KDM5A: variants seen among roughly 807,000 people sequenced by gnomAD.
The protein encoded by KDM5A is lysine demethylase 5A, also known as lysine-specific demethylase 5A.
Under a neutral mutation model 193.5 loss-of-function variants are expected in KDM5A, and 42 were observed. That is an observed-to-expected ratio of 0.22 (90% CI 0.17 to 0.28). KDM5A has a LOEUF of 0.28. Among genes scored for constraint, KDM5A ranks in the 10% least tolerant of loss-of-function variants. The pLI is 1.00. For synonymous variants in KDM5A, 796 were observed against 718.1 expected (o/e 1.11, Z -1.73); for missense variants, 1,692 against 2,055.1 (o/e 0.82, Z 3.42).
At chr12:336,043 C>CAAAAAA (rs753624871) in intron 10 of KDM5A, among the ~76,000 whole-genome samples, 1 of 42,010 alleles carries the variant, frequency 2.4e-5, no homozygotes, top group Non-Finnish European at 4.5e-5. Flanking sequence ...TACTTCATCT[C>CAAAAAA]AAAAAAAAAA....
intron 14 of KDM5A, among the ~76,000 whole-genome samples, chr12:328,235 G>C (rs936288846): frequency 4.6e-5 from 7 of 152,210 alleles, no homozygotes; most frequent in African/African-American, 1.7e-4. Context: ...ATCAGGCAGA[G>C]AGGGAGGAGG....
Position 354,229 on chromosome 12 carries a change from A to G in KDM5A, c.876T>C (p.Asp292=), listed in dbSNP as rs1055841515. ...RKGTLSVNFV[D]LYVCMFCGRG... is the part of the protein sequence containing the mutation. The stretch of plus-strand genomic sequence containing the variant: ...GACCACAAAACATACAAACATAGAG[A>G]TCAACCTGTTAAAAAAAAAATAAAT... The change falls in exon 8 of 28, where the codon GAT becomes GAC. Residue 292 remains aspartate (D), a synonymous_variant. Transcript: ENST00000399788. 13 of 1,602,872 alleles carry G rather than the reference A, an allele frequency of 8.1e-6. No homozygotes were observed. Among genetic ancestry groups the G allele is most frequent in the Middle Eastern group, 3.3e-4 (2 of 6,050 alleles).
At chr12:300,454 A>G (rs1247081134) in intron 24 of KDM5A, among the ~76,000 whole-genome samples, 1 of 152,244 alleles carries the variant, frequency 6.6e-6, no homozygotes, top group East Asian at 1.9e-4. Flanking sequence ...AAAGAAATGA[A>G]GGCAGAAATA....
At chr12:352,863 A>C (rs779839128) in intron 8 of KDM5A, among the ~76,000 whole-genome samples, 1 of 152,212 alleles carries the variant, frequency 6.6e-6, no homozygotes, top group Non-Finnish European at 1.5e-5. Flanking sequence ...AATAAGTGAT[A>C]ATTCAAAGGC....
intron 7 of KDM5A, 128 bp from the exon 8 acceptor site, chr12:354,362 C>CTGAAATTACTGAA (rs1944204291): frequency 1.5e-6 from 1 of 677,310 alleles, no homozygotes; most frequent in African/African-American, 1.8e-5. Flanking sequence ...TCCTGAATGT[C>CTGAAATTACTGAA]TATTTCAAGT....
chr12:324,484 G>GT (rs1336853730), intron 14 of KDM5A, among the ~76,000 whole-genome samples: 7 of 152,160 alleles, frequency 4.6e-5, no homozygotes, highest in African/African-American at 1.7e-4. Context: ...ACAAACATAT[G>GT]TAAGGACAAA....
At chr12:371,943 G>A (rs1944432945) in intron 3 of KDM5A, among the ~76,000 whole-genome samples, 1 of 152,164 alleles carries the variant, frequency 6.6e-6, no homozygotes. Context: ...GCTCTGTTCT[G>A]TTCCATTGGT....
chr12:302,330 G>C (rs573564489), intron 24 of KDM5A, among the ~76,000 whole-genome samples: 33 of 152,158 alleles, frequency 2.2e-4, no homozygotes, highest in Non-Finnish European at 4.3e-4. Context: ...CAGATATACA[G>C]ACCAATAGAA....
chr12:367,187 C>T (rs1944367111), intron 3 of KDM5A, among the ~76,000 whole-genome samples: 1 of 152,168 alleles, frequency 6.6e-6, no homozygotes, highest in Admixed American at 6.5e-5. Flanking sequence ...ATAAAGGGGA[C>T]TGTGACACAG....
At chr12:340,489 T>A (rs1668833874) in intron 10 of KDM5A, among the ~76,000 whole-genome samples, 4 of 151,950 alleles carry the variant, frequency 2.6e-5, no homozygotes, top group South Asian at 2.1e-4. Flanking sequence ...AGGTCAGTAG[T>A]TCGAGACCAG....
At chr12:383,069 C>T (rs934495061) in intron 3 of KDM5A, among the ~76,000 whole-genome samples, 2 of 151,974 alleles carry the variant, frequency 1.3e-5, no homozygotes, top group African/African-American at 4.8e-5. Context: ...AAACTCTTCA[C>T]CCTTAAGTTT....
At chr12:329,062 C>T in intron 13 of KDM5A, 33 bp from the exon 14 acceptor site, 6 of 1,583,058 alleles carry the variant, frequency 3.8e-6, no homozygotes, top group Non-Finnish European at 5.2e-6. Flanking sequence ...AAATAACTCG[C>T]TTATAACATA....
chr12:281,253 T>C lies in KDM5A; in HGVS notation c.*4203A>G. The C allele has an allele frequency of 4.3e-6, 1 of 233,086 alleles. No individual in the cohort carries two copies. The highest frequency in any genetic ancestry group is 8.5e-6 in the Non-Finnish European group (1 of 117,976). 14.4% of individuals were successfully genotyped at this position (233,086 alleles called of 1,614,324 possible). A position where few individuals can be genotyped will look rare whatever the true frequency, so the allele number is the denominator to read the frequency against. ...ACCAATTACCCTGATAAATTGTAAA[T>C]AAATATGTAAGGGAATAATCAATAG... On this transcript the variant is annotated 3_prime_UTR_variant, in exon 28 of 28. Transcript: ENST00000399788.
At chr12:352,930 T>A (rs368037004) in intron 8 of KDM5A, among the ~76,000 whole-genome samples, 2 of 152,198 alleles carry the variant, frequency 1.3e-5, no homozygotes, top group South Asian at 4.1e-4. Flanking sequence ...CTCTTTAATG[T>A]CCTATCACAG....
chr12:296,531 G>A (rs1351130450), intron 25 of KDM5A, among the ~76,000 whole-genome samples: 1 of 151,994 alleles, frequency 6.6e-6, no homozygotes, highest in Non-Finnish European at 1.5e-5. Flanking sequence ...ATAAAATCCT[G>A]AATTTTATTA....
At chr12:359,358 A>G (rs910949445) in intron 5 of KDM5A, among the ~76,000 whole-genome samples, 12 of 152,364 alleles carry the variant, frequency 7.9e-5, no homozygotes, top group South Asian at 6.2e-4. Flanking sequence ...GATCCCTAGG[A>G]AAAACTTCAG....
intron 13 of KDM5A, among the ~76,000 whole-genome samples, chr12:330,847 A>G (rs1943855435): frequency 6.6e-6 from 1 of 152,222 alleles, no homozygotes; most frequent in African/African-American, 2.4e-5. Flanking sequence ...AGAAAACATT[A>G]AAGGATTTCC....
chr12:373,657 TTTAA>T (rs1386656988), intron 3 of KDM5A, among the ~76,000 whole-genome samples: 1 of 152,216 alleles, frequency 6.6e-6, no homozygotes, highest in Non-Finnish European at 1.5e-5. Flanking sequence ...CTCTAGTTCT[TTTAA>T]TTGTGATGTT....
intron 3 of KDM5A, among the ~76,000 whole-genome samples, chr12:381,827 A>G (rs1050024312): frequency 1.3e-5 from 2 of 151,902 alleles, no homozygotes; most frequent in African/African-American, 2.4e-5. Context: ...TTTTTTTGGA[A>G]ACAGGGTCTT....
Sources: gnomAD v4.1 joint callset for allele counts (sites outside exome capture counted in the v4.1 genomes callset) on GRCh38, gnomAD v4.1.1 for gene constraint, MANE v1.5 for transcripts, NCBI Gene and HGNC (gene_info 2026-07-23, HGNC 2026-07-21) for gene names.